Variants in ANO2 observed in about 807,000 individuals in gnomAD.
The protein encoded by ANO2 is anoctamin 2.
In ANO2, 101 loss-of-function variants were observed where a neutral mutation model predicts 124.2. The ratio of observed to expected loss-of-function variants is 0.81; its 90% confidence interval spans 0.69 to 0.96. ANO2 has a LOEUF of 0.96. Ranked by LOEUF, ANO2 falls within the 40% of genes least tolerant of loss-of-function variation. The probability of loss-of-function intolerance (pLI) is 0.00; values close to 1 mark genes in which losing one functional copy is unlikely to be tolerated. For missense variants in ANO2, 1,293 were observed against 1,274.5 expected (o/e 1.01, Z -0.22); for synonymous variants, 486 against 482.5 (o/e 1.01, Z -0.09).
intron 3 of ANO2, among the ~76,000 whole-genome samples, chr12:5,876,847 G>A (rs1337148149): frequency 3.3e-5 from 5 of 152,162 alleles, no homozygotes; most frequent in African/African-American, 9.7e-5. Context: ...GGTTAGGGGA[G>A]GGATAGCATT....
intron 14 of ANO2, among the ~76,000 whole-genome samples, chr12:5,686,456 A>G (rs995073571): frequency 1.3e-5 from 2 of 152,182 alleles, no homozygotes; most frequent in African/African-American, 4.8e-5. Flanking sequence ...AGCTGACTCA[A>G]TTCCCTCCCT....
At chr12:5,578,627 T>C in intron 20 of ANO2, 109 bp from the exon 21 acceptor site, 3 of 1,170,272 alleles carry the variant, frequency 2.6e-6, no homozygotes, top group South Asian at 3.4e-5. Flanking sequence ...ATCTTTCCCA[T>C]ATGGGGTAAT....
intron 10 of ANO2, among the ~76,000 whole-genome samples, chr12:5,768,994 C>T (rs1951986034): frequency 6.6e-6 from 1 of 152,140 alleles, no homozygotes; most frequent in South Asian, 2.1e-4. Flanking sequence ...AACAAGAGGG[C>T]TGGGCTCGGG....
intron 3 of ANO2, among the ~76,000 whole-genome samples, chr12:5,909,884 A>G (rs920059592): frequency 4.6e-5 from 7 of 152,228 alleles, no homozygotes; most frequent in Non-Finnish European, 2.9e-5. Flanking sequence ...TTTTGGGGCC[A>G]TGGAATGGAA....
intron 14 of ANO2, among the ~76,000 whole-genome samples, chr12:5,649,880 G>T (rs411002): frequency 0.42 from 63,876 of 151,956 alleles, 15,531 homozygotes; most frequent in African/African-American, 0.66. Flanking sequence ...TCCTGACCTC[G>T]TGATCTGATC....
intron 14 of ANO2, among the ~76,000 whole-genome samples, chr12:5,697,677 CAA>C (rs1949240731): frequency 6.6e-6 from 1 of 152,164 alleles, no homozygotes; most frequent in Admixed American, 6.5e-5. Context: ...CCGGGAAACG[CAA>C]GGGGTCAGGG....
At chr12:5,622,256 T>G (rs1391888070) in intron 16 of ANO2, among the ~76,000 whole-genome samples, 1 of 152,152 alleles carries the variant, frequency 6.6e-6, no homozygotes, top group African/African-American at 2.4e-5. Context: ...GCAAAGAGGA[T>G]CTAGTCATTT....
At chr12:5,800,955 G>T (rs547520561) in intron 9 of ANO2, among the ~76,000 whole-genome samples, 1 of 152,338 alleles carries the variant, frequency 6.6e-6, no homozygotes, top group East Asian at 1.9e-4. Context: ...GGTCAAGAGG[G>T]TGATGAAGAA....
intron 3 of ANO2, among the ~76,000 whole-genome samples, chr12:5,915,149 G>A (rs1941306751): frequency 6.6e-6 from 1 of 152,182 alleles, no homozygotes; most frequent in Admixed American, 6.5e-5. Flanking sequence ...ATATGAATTG[G>A]TAGGGTGCAG....
At chr12:5,901,561 T>C (rs985639660) in intron 3 of ANO2, among the ~76,000 whole-genome samples, 2 of 152,160 alleles carry the variant, frequency 1.3e-5, no homozygotes, top group Non-Finnish European at 2.9e-5. Context: ...TGTCCAGAGC[T>C]GGGGGCATGG....
rs10849305 is a variant in ANO2 at position 5,636,275 on chromosome 12, G to T, written c.1621-928C>A. ...CCCCACGTCCCCTCCTGTCCCCATC[G>T]CAACCAAGGAAGGATCATTTCCAGG... On this transcript the variant is annotated intron_variant, in intron 15 of 24. Transcript: ENST00000682330. The surrounding 1 kb of genome is among the most constrained non-coding windows in gnomAD (Gnocchi z 4.6). Among the ~76,000 whole-genome samples, 2 of 151,742 alleles carry T rather than the reference G, an allele frequency of 1.3e-5. No homozygotes were observed. The highest frequency in any genetic ancestry group is 2.4e-5 in the African/African-American group (1 of 41,294).
At chr12:5,660,216 T>C (rs1045322607) in intron 14 of ANO2, among the ~76,000 whole-genome samples, 1 of 152,092 alleles carries the variant, frequency 6.6e-6, no homozygotes, top group African/African-American at 2.4e-5. Flanking sequence ...AGGAGCATCC[T>C]GAGATATGAA....
intron 7 of ANO2, among the ~76,000 whole-genome samples, chr12:5,823,938 T>C (rs1465748502): frequency 6.6e-6 from 1 of 152,248 alleles, no homozygotes; most frequent in African/African-American, 2.4e-5. Flanking sequence ...CTGCCAAGGC[T>C]TGGGGCTTCC....
intron 16 of ANO2, among the ~76,000 whole-genome samples, chr12:5,632,750 T>C (rs1037300387): frequency 1.3e-5 from 2 of 152,202 alleles, no homozygotes; most frequent in African/African-American, 2.4e-5. Flanking sequence ...GCCAACTCTA[T>C]TTGTCTTTCA....
At chr12:5,698,193 TC>T in intron 14 of ANO2, among the ~76,000 whole-genome samples, 1 of 152,190 alleles carries the variant, frequency 6.6e-6, no homozygotes, top group East Asian at 1.9e-4. Context: ...GGGAGGCACC[TC>T]CCAGTAGGGG....
At chr12:5,584,075 T>C in intron 20 of ANO2, 1 of 253,838 alleles carries the variant, frequency 3.9e-6, no homozygotes, top group East Asian at 1.0e-4. Flanking sequence ...TGATTCAGAA[T>C]CCAAACAAAT....
At chr12:5,731,450 T>C (rs1950632379) in intron 14 of ANO2, among the ~76,000 whole-genome samples, 1 of 152,076 alleles carries the variant, frequency 6.6e-6, no homozygotes, top group Non-Finnish European at 1.5e-5. Context: ...TTAACATGAA[T>C]GGTTCCAACT....
chr12:5,672,035 T>G (rs251764), intron 14 of ANO2, among the ~76,000 whole-genome samples: 27,499 of 152,048 alleles, frequency 0.18, 2,954 homozygotes, highest in African/African-American at 0.3. Context: ...GATCCCTAGG[T>G]TCTCGCTGAG....
At chr12:5,836,957 C>A (rs1306213579) in intron 4 of ANO2, among the ~76,000 whole-genome samples, 4 of 152,218 alleles carry the variant, frequency 2.6e-5, no homozygotes, top group Admixed American at 2.0e-4. Flanking sequence ...GGACAGGATA[C>A]TGTCCAAAAT....
Sources: allele counts gnomAD v4.1 joint callset (sites outside exome capture counted in the v4.1 genomes callset), GRCh38; gene constraint gnomAD v4.1.1; non-coding constraint Gnocchi (gnomAD v3.1); transcripts MANE v1.5; gene names NCBI Gene and HGNC (gene_info 2026-07-23, HGNC 2026-07-21).